CDKAL1: variants seen among roughly 807,000 people sequenced by gnomAD.
The protein encoded by CDKAL1 is CDKAL1 threonylcarbamoyladenosine tRNA methylthiotransferase.
A neutral mutation model predicts 68.2 loss-of-function variants in CDKAL1; 32 were observed. The ratio of observed to expected loss-of-function variants is 0.47; its 90% CI spans 0.35 to 0.63. The LOEUF is 0.63. Among genes scored for constraint, CDKAL1 ranks in the 30% least tolerant of loss-of-function variants. The pLI, the probability that CDKAL1 is intolerant of heterozygous loss-of-function variation, is 0.00. For missense variants in CDKAL1, 606 were observed against 696.7 expected (o/e 0.87, Z 1.47); for synonymous variants, 234 against 244.3 (o/e 0.96, Z 0.39).
chr6:20,548,736 T>A (rs767431587), intron 4 of CDKAL1, 31 bp downstream of exon 4: 9 of 1,015,664 alleles, frequency 8.9e-6, no homozygotes, highest in Middle Eastern at 5.9e-4. Context: ...TTTTATTGAT[T>A]AAATTTTTCA....
At chr6:20,968,590 G>C (rs1765443662) in intron 10 of CDKAL1, among the ~76,000 whole-genome samples, 1 of 151,968 alleles carries the variant, frequency 6.6e-6, no homozygotes, top group African/African-American at 2.4e-5. Flanking sequence ...CTAAGGCTCT[G>C]TTAATTTTTT....
Position 20,955,563 on chromosome 6 carries a change from C to T in CDKAL1, c.887C>T (p.Pro296Leu). 6.2e-7 allele frequency: 1 copy of T among 1,613,970 alleles called. No homozygotes were observed. The highest frequency in any genetic ancestry group is 8.5e-7 in the Non-Finnish European group (1 of 1,179,952). The change falls in exon 10 of 16, where the codon CCC (proline) becomes CTC (leucine). Residue 296 changes from proline (P) to leucine (L), a missense_variant. Transcript: ENST00000274695. ...CTGAGGCTTGGCATGACAAATCCGC[C>T]CTATATTTTAGAGCATCTGGAGGTA... ...AMLRLGMTNP[P>L]YILEHLEEMA...
chr6:20,729,903 C>G (rs955182911), intron 5 of CDKAL1, among the ~76,000 whole-genome samples: 4 of 152,168 alleles, frequency 2.6e-5, no homozygotes, highest in Admixed American at 1.3e-4. Context: ...TACAATGTGC[C>G]AGGCATACTC....
At chr6:20,732,259 CTTTCTT>C in intron 5 of CDKAL1, among the ~76,000 whole-genome samples, 1 of 88,092 alleles carries the variant, frequency 1.1e-5, no homozygotes, top group East Asian at 5.6e-4. Context: ...TCTTTTCTTT[CTTTCTT>C]TTTTTTTTTT....
At chr6:21,068,635 A>G (rs76070805) in intron 12 of CDKAL1, among the ~76,000 whole-genome samples, 2,188 of 152,226 alleles carry the variant, frequency 0.014, 55 homozygotes, top group African/African-American at 0.05. Context: ...CCATAGCTTT[A>G]TAGTAAGTCT....
intron 11 of CDKAL1, among the ~76,000 whole-genome samples, chr6:21,000,993 T>C (rs1767398079): frequency 6.6e-6 from 1 of 152,250 alleles, no homozygotes; most frequent in South Asian, 2.1e-4. Context: ...CCCTTAATTA[T>C]GTTCTTCAAA....
At chr6:20,853,282 C>A (rs775031904) in intron 9 of CDKAL1, among the ~76,000 whole-genome samples, 9 of 151,158 alleles carry the variant, frequency 6.0e-5, no homozygotes, top group Non-Finnish European at 1.2e-4. Context: ...CTTGGGAGGC[C>A]GAGGTGGAAG....
chr6:21,015,182 A>T (rs940521066), intron 11 of CDKAL1, among the ~76,000 whole-genome samples: 1 of 152,208 alleles, frequency 6.6e-6, no homozygotes, highest in African/African-American at 2.4e-5. Flanking sequence ...TGGAGAGGAG[A>T]AACTCAAATT....
At chr6:20,654,562 A>C (rs1768937928) in intron 5 of CDKAL1, among the ~76,000 whole-genome samples, 1 of 152,124 alleles carries the variant, frequency 6.6e-6, no homozygotes, top group Non-Finnish European at 1.5e-5. Context: ...TTCTTCTAAA[A>C]GTTTCATGGT....
intron 4 of CDKAL1, among the ~76,000 whole-genome samples, chr6:20,629,781 C>G (rs1373391869): frequency 6.6e-6 from 1 of 151,852 alleles, no homozygotes; most frequent in Non-Finnish European, 1.5e-5. Context: ...TAGAGATGCC[C>G]CATGTTCTTC....
chr6:21,153,354 A>G (rs548465310), intron 13 of CDKAL1, among the ~76,000 whole-genome samples: 3 of 150,914 alleles, frequency 2.0e-5, no homozygotes, highest in African/African-American at 7.3e-5. Context: ...ACCTAATGCC[A>G]TTTGAATTTA....
intron 9 of CDKAL1, among the ~76,000 whole-genome samples, chr6:20,900,844 C>T (rs1464669763): frequency 6.6e-6 from 1 of 150,642 alleles, no homozygotes; most frequent in African/African-American, 2.5e-5. Context: ...TTTATAAACA[C>T]ATGGTAGAAT....
At chr6:20,761,026 T>C (rs1416772901) in intron 7 of CDKAL1, among the ~76,000 whole-genome samples, 1 of 151,990 alleles carries the variant, frequency 6.6e-6, no homozygotes, top group African/African-American at 2.4e-5. Flanking sequence ...AGGGCTATTA[T>C]CCAAAATATA....
At chr6:20,963,839 A>T (rs182651104) in intron 10 of CDKAL1, among the ~76,000 whole-genome samples, 56 of 152,350 alleles carry the variant, frequency 3.7e-4, no homozygotes, top group Non-Finnish European at 7.6e-4. Flanking sequence ...ATGAGAAAGC[A>T]GGCATGAGAG....
intron 15 of CDKAL1, among the ~76,000 whole-genome samples, chr6:21,226,862 G>A (rs975667093): frequency 2.6e-5 from 4 of 152,120 alleles, no homozygotes; most frequent in Non-Finnish European, 5.9e-5. Flanking sequence ...ACAGGCTCCC[G>A]CCACCACGCC....
intron 15 of CDKAL1, among the ~76,000 whole-genome samples, chr6:21,202,936 G>C (rs1387576958): frequency 6.6e-6 from 1 of 152,136 alleles, no homozygotes; most frequent in Non-Finnish European, 1.5e-5. Flanking sequence ...GAAGCCAGTT[G>C]GTTGCTGGTC....
Position 21,207,970 on chromosome 6 carries a change from G to A in CDKAL1, c.1548+6696G>A, listed in dbSNP as rs1021227573. ...GAGATTCCAATAATACTACTACAGC[G>A]TTGGCCATTCTTACGGACAGACATT... On this transcript the variant is annotated intron_variant, in intron 15 of 15. Coordinates refer to ENST00000274695, the MANE Select transcript of CDKAL1 (RefSeq NM_017774.3). Among the ~76,000 whole-genome samples the A allele has an allele frequency of 4.6e-5, 7 of 151,906 alleles. No individual in the cohort carries two copies. The South Asian group carries it at 8.4e-4, about 18-fold the overall frequency.
chr6:21,025,731 T>G (rs1274253284), intron 11 of CDKAL1, among the ~76,000 whole-genome samples: 1 of 152,174 alleles, frequency 6.6e-6, no homozygotes, highest in African/African-American at 2.4e-5. Context: ...CTGCTACTAT[T>G]TCTAGCTGTA....
chr6:21,079,014 A>G (rs1238672013), intron 12 of CDKAL1, among the ~76,000 whole-genome samples: 2 of 152,192 alleles, frequency 1.3e-5, no homozygotes, highest in Non-Finnish European at 2.9e-5. Context: ...TTGAGATGCC[A>G]TCAGCTGTGA....
Sources: gnomAD v4.1 joint callset for allele counts (sites outside exome capture counted in the v4.1 genomes callset) on GRCh38, gnomAD v4.1.1 for gene constraint, MANE v1.5 for transcripts, NCBI Gene and HGNC (gene_info 2026-07-23, HGNC 2026-07-21) for gene names.